Variants in SYT16 observed in about 807,000 individuals in gnomAD.
SYT16 encodes the protein synaptotagmin 16.
In SYT16, 42 loss-of-function variants were observed where a neutral mutation model predicts 61.4. The observed-to-expected ratio is 0.68, with a 90% CI of 0.53 to 0.89. SYT16 has a LOEUF of 0.89. SYT16 is among the 40% of genes least tolerant of loss of function. The pLI is 0.00. For missense variants in SYT16, 804 were observed against 807.3 expected, an observed-to-expected ratio of 1.00 and a Z score of 0.05; for synonymous variants, 314 against 302.3, an observed-to-expected ratio of 1.04 and a Z score of -0.40.
chr14:61,842,832 G>A (rs943788748), intron 1 of SYT16, among the ~76,000 whole-genome samples: 1 of 151,812 alleles, frequency 6.6e-6, no homozygotes, highest in East Asian at 1.9e-4. Context: ...GCTAAATGAC[G>A]AGTTAATGGG....
intron 6 of SYT16, among the ~76,000 whole-genome samples, chr14:62,082,637 C>T (rs537237899): frequency 1.3e-5 from 2 of 152,310 alleles, no homozygotes; most frequent in East Asian, 3.9e-4. Flanking sequence ...TGTCTCAGCT[C>T]TGCTCAGATC....
At chr14:62,036,330 G>A (rs1316155304) in intron 3 of SYT16, among the ~76,000 whole-genome samples, 1 of 152,134 alleles carries the variant, frequency 6.6e-6, no homozygotes, top group Non-Finnish European at 1.5e-5. Flanking sequence ...ATGGCTGGAA[G>A]CGGAGATGGG....
chr14:62,050,167 G>A (rs372117340), intron 3 of SYT16, among the ~76,000 whole-genome samples: 26 of 152,176 alleles, frequency 1.7e-4, no homozygotes, highest in Admixed American at 3.3e-4. Flanking sequence ...GGCTTTGTTC[G>A]TTTCTTTTTA....
chr14:61,865,605 T>A (rs374596683), intron 1 of SYT16, among the ~76,000 whole-genome samples: 40 of 152,332 alleles, frequency 2.6e-4, no homozygotes, highest in African/African-American at 8.7e-4. Context: ...CGCAAAGATA[T>A]ATTTATTTGC....
chr14:61,952,592 A>G (rs1216104791), intron 1 of SYT16, among the ~76,000 whole-genome samples: 1 of 152,226 alleles, frequency 6.6e-6, no homozygotes, highest in Non-Finnish European at 1.5e-5. Flanking sequence ...TAATTCTCAG[A>G]AGATGATGGA....
rs1566858603 is a variant in SYT16 at position 62,106,713 on chromosome 14, A to AG, written c.*6011dup. ...GGGCTTTGGGGATGCCTGCAGGCTC[A>AG]GGGGGAGTTTCCTCTCCTATGGTGC... On this transcript the variant is annotated 3_prime_UTR_variant, in exon 8 of 8. Transcript: ENST00000683842. 2 of 152,126 alleles carry AG rather than the reference A, an allele frequency of 1.3e-5. No individual in the cohort carries two copies. The highest frequency in any genetic ancestry group is 4.8e-5 in the African/African-American group (2 of 41,416). 9.4% of individuals were successfully genotyped at this position (152,126 alleles called of 1,614,324 possible).
intron 1 of SYT16, among the ~76,000 whole-genome samples, chr14:61,935,960 T>C (rs1484855232): frequency 6.6e-6 from 1 of 152,206 alleles, no homozygotes; most frequent in Non-Finnish European, 1.5e-5. Context: ...TTTGTAAATG[T>C]TTTAGCTCTG....
At chr14:61,910,263 G>A (rs2048878764) in intron 1 of SYT16, among the ~76,000 whole-genome samples, 1 of 150,334 alleles carries the variant, frequency 6.7e-6, no homozygotes, top group Non-Finnish European at 1.5e-5. Context: ...TTTGAGACGG[G>A]GTCTCACTGT....
chr14:61,970,413 A>G (rs1452007135), intron 2 of SYT16, 102 bp downstream of exon 2: 1 of 152,206 alleles, frequency 6.6e-6, no homozygotes, highest in Non-Finnish European at 1.5e-5. Flanking sequence ...CATTATCTTT[A>G]TGAAAGTAAT....
At chr14:61,835,841 A>C (rs1252963826) in intron 1 of SYT16, among the ~76,000 whole-genome samples, 3 of 152,188 alleles carry the variant, frequency 2.0e-5, no homozygotes, top group African/African-American at 2.4e-5. Flanking sequence ...ATTTTAAACT[A>C]TAGATAATGG....
intron 3 of SYT16, among the ~76,000 whole-genome samples, chr14:62,012,758 C>A (rs901914937): frequency 6.6e-6 from 1 of 152,104 alleles, no homozygotes; most frequent in Non-Finnish European, 1.5e-5. Context: ...TAAAAGGCAA[C>A]TTTTACTTTA....
intron 5 of SYT16, among the ~76,000 whole-genome samples, chr14:62,078,935 A>G (rs755225393): frequency 2.0e-5 from 3 of 152,256 alleles, no homozygotes; most frequent in Admixed American, 6.5e-5. Context: ...AGTTAAGGCC[A>G]AGAAGATCTG....
intron 1 of SYT16, among the ~76,000 whole-genome samples, chr14:61,824,606 C>G (rs2045718685): frequency 6.6e-6 from 1 of 152,194 alleles, no homozygotes; most frequent in Non-Finnish European, 1.5e-5. Flanking sequence ...CCCGCCTGAG[C>G]CTCCCAAAGT....
chr14:61,858,148 GAAAA>G (rs2046842570), intron 1 of SYT16, among the ~76,000 whole-genome samples: 2 of 119,572 alleles, frequency 1.7e-5, no homozygotes, highest in Non-Finnish European at 3.6e-5. Flanking sequence ...AAAAAAGAAA[GAAAA>G]AAAGAAAAAA....
At chr14:62,048,717 C>T (rs2055119693) in intron 3 of SYT16, among the ~76,000 whole-genome samples, 1 of 152,126 alleles carries the variant, frequency 6.6e-6, no homozygotes, top group African/African-American at 2.4e-5. Context: ...TTTATGTCTG[C>T]CTTCATTTTA....
chr14:62,094,948 T>A (rs988613628), intron 7 of SYT16, among the ~76,000 whole-genome samples: 1 of 152,054 alleles, frequency 6.6e-6, no homozygotes, highest in Non-Finnish European at 1.5e-5. Flanking sequence ...TTCTAATGCC[T>A]ACTCATGCCT....
At chr14:61,931,832 C>T (rs535369574) in intron 1 of SYT16, among the ~76,000 whole-genome samples, 2 of 152,230 alleles carry the variant, frequency 1.3e-5, no homozygotes, top group African/African-American at 4.8e-5. Flanking sequence ...ACATGTGCCA[C>T]GTTGGTGTGC....
At chr14:61,929,797 T>C (rs766376336) in intron 1 of SYT16, among the ~76,000 whole-genome samples, 9 of 152,236 alleles carry the variant, frequency 5.9e-5, no homozygotes, top group Non-Finnish European at 8.8e-5. Context: ...TTGAAAACTT[T>C]TGATGGCTTA....
intron 1 of SYT16, among the ~76,000 whole-genome samples, chr14:61,950,511 C>G (rs1380185619): frequency 1.3e-5 from 2 of 152,176 alleles, no homozygotes; most frequent in East Asian, 3.8e-4. Flanking sequence ...GTGCACAGCC[C>G]TTCTGGGTAC....
Sources: gnomAD v4.1 joint callset for allele counts (sites outside exome capture counted in the v4.1 genomes callset) on GRCh38, gnomAD v4.1.1 for gene constraint, MANE v1.5 for transcripts, NCBI Gene and HGNC (gene_info 2026-07-23, HGNC 2026-07-21) for gene names.